LCLAT1: variants seen among roughly 807,000 people sequenced by gnomAD.
The protein encoded by LCLAT1 is 1-AGP acyltransferase 8.
LCLAT1 carries 11 observed loss-of-function variants against 30.7 expected under a neutral mutation model. The observed-to-expected ratio is 0.36, with a 90% CI of 0.23 to 0.59. The LOEUF (loss-of-function observed/expected upper bound fraction) is 0.59, where lower values mean the gene tolerates loss of function less well. LCLAT1 is among the 20% of genes least tolerant of loss of function. The probability of loss-of-function intolerance (pLI) is 0.77; values close to 1 mark genes in which losing one functional copy is unlikely to be tolerated. For missense variants in LCLAT1, 402 were observed against 458.6 expected, an observed-to-expected ratio of 0.88 and a Z score of 1.13; for synonymous variants, 155 against 151.3, an observed-to-expected ratio of 1.02 and a Z score of -0.18.
intron 5 of LCLAT1, among the ~76,000 whole-genome samples, chr2:30,576,169 G>A (rs925860636): frequency 6.6e-6 from 1 of 152,104 alleles, no homozygotes; most frequent in Non-Finnish European, 1.5e-5. Context: ...ACTGAAAAAT[G>A]CTGATAACTG....
intron 3 of LCLAT1, among the ~76,000 whole-genome samples, chr2:30,553,279 T>C (rs1303558630): frequency 6.6e-6 from 1 of 152,186 alleles, no homozygotes; most frequent in Non-Finnish European, 1.5e-5. Flanking sequence ...TAAAAGGGAA[T>C]GTAAGTCAAA....
intron 1 of LCLAT1, among the ~76,000 whole-genome samples, chr2:30,505,490 T>TA: frequency 6.6e-6 from 1 of 152,286 alleles, no homozygotes; most frequent in Non-Finnish European, 1.5e-5. Context: ...ATTAGATGAT[T>TA]TATAAAATAT....
intron 1 of LCLAT1, among the ~76,000 whole-genome samples, chr2:30,506,648 A>G (rs1196571814): frequency 2.6e-5 from 4 of 152,190 alleles, no homozygotes; most frequent in African/African-American, 9.7e-5. Context: ...AGGAAAACAA[A>G]TACAGTTCTC....
At position 30,490,421 on chromosome 2, in the gene LCLAT1, G is replaced by A. The variant is rs1683785160; in HGVS notation, c.-4-35166G>A. Among the ~76,000 whole-genome samples the A allele has an allele frequency of 2.0e-5, 3 of 152,142 alleles. No homozygotes were observed. In the East Asian group the frequency reaches 5.8e-4, roughly 29 times the overall value. ...TGGGTTTCACCGTGTTAGCCAGGAT[G>A]ACCTCGTGATCCGTCTGCCTCGGCC... On this transcript the variant is annotated intron_variant, in intron 1 of 5. Transcript: ENST00000379509.
At chr2:30,546,226 G>T (rs1194402323) in intron 3 of LCLAT1, among the ~76,000 whole-genome samples, 3 of 152,148 alleles carry the variant, frequency 2.0e-5, no homozygotes, top group Non-Finnish European at 4.4e-5. Flanking sequence ...GTAGTGGGCT[G>T]CTTTCACAGG....
rs1475399138 is a variant in LCLAT1, at chr2:30,641,881, T to G, written c.*1262T>G. 6.8e-6 allele frequency: 1 copy of G among 146,966 alleles called. No individual in the cohort carries two copies. Among genetic ancestry groups the G allele is most frequent in the East Asian group, 2.1e-4 (1 of 4,676 alleles). 9.1% of individuals were successfully genotyped at this position (146,966 alleles called of 1,614,324 possible). ...GTTGTCATTTTCACTCTGTTGGAGC[T>G]GCACACTTTTTTTTCTTTTTTTTTT... On this transcript the variant is annotated 3_prime_UTR_variant, in exon 6 of 6. Transcript: ENST00000379509.
chr2:30,461,213 T>C (rs1236923839), intron 1 of LCLAT1, among the ~76,000 whole-genome samples: 2 of 152,166 alleles, frequency 1.3e-5, no homozygotes, highest in Non-Finnish European at 2.9e-5. Context: ...TGGGATCTGA[T>C]ACGAACTCCA....
chr2:30,462,157 GC>G (rs1391292077), intron 1 of LCLAT1, among the ~76,000 whole-genome samples: 1 of 152,102 alleles, frequency 6.6e-6, no homozygotes, highest in Non-Finnish European at 1.5e-5. Context: ...TTATTTGCAG[GC>G]AGCCATTCAA....
intron 5 of LCLAT1, among the ~76,000 whole-genome samples, chr2:30,588,310 T>C (rs1007383192): frequency 4.6e-5 from 7 of 152,360 alleles, no homozygotes; most frequent in Middle Eastern, 3.4e-3. Context: ...ACTCAGACCA[T>C]ATCCTTGGGG....
chr2:30,602,595 CTCTGTCTCATT>C (rs1667239448), intron 5 of LCLAT1, among the ~76,000 whole-genome samples: 1 of 152,206 alleles, frequency 6.6e-6, no homozygotes, highest in Admixed American at 6.5e-5. Flanking sequence ...ATCATCACTT[CTCTGTCTCATT>C]TCTTTCAAGT....
chr2:30,525,001 T>A (rs1685639787), intron 1 of LCLAT1, among the ~76,000 whole-genome samples: 6 of 151,298 alleles, frequency 4.0e-5, no homozygotes, highest in Admixed American at 2.0e-4. Context: ...GAGTTTGTGT[T>A]AGATAACACC....
At chr2:30,548,816 C>G (rs1350889393) in intron 3 of LCLAT1, among the ~76,000 whole-genome samples, 2 of 151,928 alleles carry the variant, frequency 1.3e-5, no homozygotes, top group Non-Finnish European at 2.9e-5. Flanking sequence ...CCTTGTTATG[C>G]CTGAGTAAGA....
At chr2:30,568,001 C>G (rs1665573682) in intron 4 of LCLAT1, 59 bp from the exon 5 acceptor site, 3 of 888,262 alleles carry the variant, frequency 3.4e-6, no homozygotes, top group Admixed American at 2.4e-5. Context: ...GCACTTCTTT[C>G]CTTACCTTGT....
chr2:30,512,259 G>GA (rs1415474000), intron 1 of LCLAT1, among the ~76,000 whole-genome samples: 1 of 151,890 alleles, frequency 6.6e-6, no homozygotes, highest in Non-Finnish European at 1.5e-5. Context: ...AGCAAAAATA[G>GA]AAAAAATTAA....
At chr2:30,634,066 C>A (rs1198329535) in intron 5 of LCLAT1, among the ~76,000 whole-genome samples, 1 of 152,200 alleles carries the variant, frequency 6.6e-6, no homozygotes, top group East Asian at 1.9e-4. Context: ...CTGTAAGCTT[C>A]TGTAACTTAA....
chr2:30,467,123 T>G (rs754615794), intron 1 of LCLAT1, among the ~76,000 whole-genome samples: 2 of 152,106 alleles, frequency 1.3e-5, no homozygotes, highest in Non-Finnish European at 2.9e-5. Flanking sequence ...CGATGTGTGA[T>G]GTTCCCCTTC....
chr2:30,503,165 C>T (rs113788927), intron 1 of LCLAT1, among the ~76,000 whole-genome samples: 5,899 of 152,178 alleles, frequency 0.039, 187 homozygotes, highest in African/African-American at 0.086. Flanking sequence ...ACTGTCGTGG[C>T]GCTGGTGGGA....
rs751277826 is a variant in LCLAT1, at chr2:30,451,064, C to T, written c.-5+3681C>T. ...TTTAAAAATGCATAGATGTCTTGAACAGGCACTGTCTATTAGAGGGTCTCA... is the reference window on the plus strand; with the variant it reads ...TTTAAAAATGCATAGATGTCTTGAATAGGCACTGTCTATTAGAGGGTCTCA... On this transcript the variant is annotated intron_variant, in intron 1 of 5. Coordinates refer to ENST00000379509, the MANE Select transcript of LCLAT1 (RefSeq NM_001002257.3). 3.3e-5 allele frequency among the ~76,000 whole-genome samples: 5 copies of T among 152,284 alleles called. No individual in the cohort carries two copies. In the East Asian group the frequency reaches 9.6e-4, roughly 29 times the overall value.
chr2:30,568,239 A>G (rs1197694695), intron 5 of LCLAT1, 63 bp downstream of exon 5: 4 of 763,768 alleles, frequency 5.2e-6, no homozygotes, highest in Non-Finnish European at 8.8e-6. Flanking sequence ...AGCTTTATAT[A>G]TAGCCCTTTA....
Sources: gnomAD v4.1 joint callset for allele counts (sites outside exome capture counted in the v4.1 genomes callset) on GRCh38, gnomAD v4.1.1 for gene constraint, MANE v1.5 for transcripts, NCBI Gene and HGNC (gene_info 2026-07-23, HGNC 2026-07-21) for gene names.